Variants in ATP9B observed in about 807,000 individuals in gnomAD.
ATP9B encodes the protein probable phospholipid-transporting ATPase IIB.
A neutral mutation model predicts 146.1 loss-of-function variants in ATP9B; 110 were observed. That is an observed-to-expected ratio of 0.75 (90% CI 0.65 to 0.88). The LOEUF is 0.88. Among genes scored for constraint, ATP9B ranks in the 40% least tolerant of loss-of-function variants. The pLI, the probability that ATP9B is intolerant of heterozygous loss-of-function variation, is 0.00. For synonymous variants in ATP9B, 604 were observed against 569.7 expected (o/e 1.06, Z -0.86); for missense variants, 1,499 against 1,496.4 (o/e 1.00, Z -0.03).
chr18:79,084,474 A>G (rs2073612675), intron 1 of ATP9B, among the ~76,000 whole-genome samples: 1 of 152,128 alleles, frequency 6.6e-6, no homozygotes, highest in Non-Finnish European at 1.5e-5. Flanking sequence ...CAATTTTGCT[A>G]TAAACTTAAT....
At chr18:79,081,575 C>T (rs986065451) in intron 1 of ATP9B, among the ~76,000 whole-genome samples, 2 of 150,250 alleles carry the variant, frequency 1.3e-5, no homozygotes, top group Admixed American at 6.6e-5. Context: ...CCTGGGTATT[C>T]ATTATATCCA....
At chr18:79,074,422 G>A (rs1469003960) in intron 1 of ATP9B, among the ~76,000 whole-genome samples, 3 of 152,216 alleles carry the variant, frequency 2.0e-5, no homozygotes, top group Admixed American at 6.5e-5. Context: ...GTGCCACCTC[G>A]ATGCTCTGAT....
chr18:79,314,932 G>A lies in ATP9B; in HGVS notation c.1773+7698G>A, dbSNP rs116820526. ...GGGTGTCAGCTCAAGCGCTGAAGGC[G>A]TGGGGTGGAAGGAACTTTGAAGACC... On this transcript the variant is annotated intron_variant, in intron 15 of 29. Transcript: ENST00000426216. Among the ~76,000 whole-genome samples, 1,368 of 152,324 alleles carry A rather than the reference G, an allele frequency of 9.0e-3. 7 individuals are homozygous for A. The highest frequency in any genetic ancestry group is 0.023 in the African/African-American group (962 of 41,560).
chr18:79,190,690 C>T lies in ATP9B; in HGVS notation c.874-2493C>T, dbSNP rs115734463. Reference sequence around the variant, plus strand: ...GCTCGTGAATAGCTGGGACTACAGACGTGCAGCAGCTTGTGTGGTTAATTT... The same window carrying T: ...GCTCGTGAATAGCTGGGACTACAGATGTGCAGCAGCTTGTGTGGTTAATTT... On this transcript the variant is annotated intron_variant, in intron 8 of 29. Transcript: ENST00000426216. 2.6e-3 allele frequency among the ~76,000 whole-genome samples: 394 copies of T among 152,100 alleles called. 1 individual carries two copies. The highest frequency in any genetic ancestry group is 9.0e-3 in the African/African-American group (375 of 41,476).
chr18:79,359,911 T>C (rs776860000), intron 26 of ATP9B: 14 of 178,956 alleles, frequency 7.8e-5, no homozygotes, highest in Non-Finnish European at 1.5e-4. Context: ...TTTCCAAGTT[T>C]GTCAGTAGTT....
At chr18:79,138,330 A>G (rs1339783607) in intron 5 of ATP9B, among the ~76,000 whole-genome samples, 1 of 152,188 alleles carries the variant, frequency 6.6e-6, no homozygotes, top group Admixed American at 6.5e-5. Flanking sequence ...ACACAGTTTT[A>G]CATGAGAAAG....
chr18:79,120,141 A>C (rs1344976902), intron 4 of ATP9B, among the ~76,000 whole-genome samples: 1 of 152,234 alleles, frequency 6.6e-6, no homozygotes, highest in South Asian at 2.1e-4. Context: ...GTTTATATTA[A>C]CCCCATTATA....
chr18:79,079,981 C>T (rs933832712), intron 1 of ATP9B, among the ~76,000 whole-genome samples: 1 of 152,108 alleles, frequency 6.6e-6, no homozygotes, highest in South Asian at 2.1e-4. Flanking sequence ...ATTTCTGAGG[C>T]CTCTTTTCTG....
At chr18:79,157,409 A>AAAAAAAACAAC (rs1568297141) in intron 7 of ATP9B, among the ~76,000 whole-genome samples, 1 of 147,486 alleles carries the variant, frequency 6.8e-6, no homozygotes, top group East Asian at 2.1e-4. Context: ...AAAAAAAAAA[A>AAAAAAAACAAC]AAAAAAAAAA....
At chr18:79,108,103 A>G (rs1423439345) in intron 2 of ATP9B, among the ~76,000 whole-genome samples, 1 of 152,114 alleles carries the variant, frequency 6.6e-6, no homozygotes, top group East Asian at 1.9e-4. Context: ...TTGGGGAAGG[A>G]GTGCCCATGA....
chr18:79,085,806 A>C (rs1280150548), intron 1 of ATP9B: 1 of 152,228 alleles, frequency 6.6e-6, no homozygotes, highest in Non-Finnish European at 1.5e-5. Context: ...TAGCACTGAA[A>C]GATACTAATG....
At chr18:79,295,265 C>T (rs1310683864) in intron 13 of ATP9B, among the ~76,000 whole-genome samples, 2 of 152,034 alleles carry the variant, frequency 1.3e-5, no homozygotes, top group African/African-American at 4.8e-5. Flanking sequence ...AATCAACTGC[C>T]CTACTAAAGC....
At chr18:79,156,606 T>G (rs1412578011) in intron 7 of ATP9B, among the ~76,000 whole-genome samples, 1 of 152,222 alleles carries the variant, frequency 6.6e-6, no homozygotes, top group Non-Finnish European at 1.5e-5. Context: ...TGATAGCTGG[T>G]GTTTCCTTAA....
chr18:79,372,076 CCAA>C (rs1253038945), intron 26 of ATP9B, among the ~76,000 whole-genome samples: 1 of 152,226 alleles, frequency 6.6e-6, no homozygotes, highest in East Asian at 1.9e-4. Flanking sequence ...CTCTTTAGCA[CCAA>C]CAAGTCAGGG....
At chr18:79,367,039 C>T (rs1473264726) in intron 26 of ATP9B, among the ~76,000 whole-genome samples, 1 of 150,794 alleles carries the variant, frequency 6.6e-6, no homozygotes, top group Non-Finnish European at 1.5e-5. Context: ...GAGAAAGTGC[C>T]TCCTCAACCA....
chr18:79,281,283 G>A (rs1377445892), intron 13 of ATP9B, among the ~76,000 whole-genome samples: 1 of 152,058 alleles, frequency 6.6e-6, no homozygotes, highest in Non-Finnish European at 1.5e-5. Flanking sequence ...GATCACCTAA[G>A]GTCAGGAGTT....
intron 11 of ATP9B, among the ~76,000 whole-genome samples, chr18:79,222,618 G>A (rs1012018746): frequency 2.0e-5 from 3 of 152,158 alleles, no homozygotes; most frequent in African/African-American, 7.2e-5. Flanking sequence ...CTTCCATTTT[G>A]TTAGATAGAG....
chr18:79,090,708 A>G (rs1008313974), intron 1 of ATP9B, among the ~76,000 whole-genome samples: 4 of 152,110 alleles, frequency 2.6e-5, no homozygotes, highest in Non-Finnish European at 5.9e-5. Context: ...AAATAGGCAA[A>G]TATTTTCCCC....
chr18:79,097,473 A>T (rs11664071), intron 2 of ATP9B, among the ~76,000 whole-genome samples: 1 of 146,778 alleles, frequency 6.8e-6, no homozygotes, highest in Non-Finnish European at 1.5e-5. Context: ...CTTTTTTTTT[A>T]ATTTTTTTAA....
Sources: allele counts gnomAD v4.1 joint callset (sites outside exome capture counted in the v4.1 genomes callset), GRCh38; gene constraint gnomAD v4.1.1; transcripts MANE v1.5; gene names NCBI Gene and HGNC (gene_info 2026-07-23, HGNC 2026-07-21).